Variants in PDE4D observed in about 807,000 individuals in gnomAD.
PDE4D encodes the protein 3',5'-cyclic-AMP phosphodiesterase 4D.
Under a neutral mutation model 87.4 loss-of-function variants are expected in PDE4D, and 24 were observed. The observed-to-expected ratio is 0.27, with a 90% CI of 0.20 to 0.39. The LOEUF (loss-of-function observed/expected upper bound fraction) is 0.39, where lower values mean the gene tolerates loss of function less well. Among genes scored for constraint, PDE4D ranks in the 10% least tolerant of loss-of-function variants. PDE4D has a pLI of 1.00. For synonymous variants in PDE4D, 384 were observed against 383.2 expected, an observed-to-expected ratio of 1.00 and a Z score of -0.02; for missense variants, 714 against 1,041.0, an observed-to-expected ratio of 0.69 and a Z score of 4.32.
At chr5:60,448,328 C>T (rs879855228) in intron 1 of PDE4D, among the ~76,000 whole-genome samples, 7 of 151,990 alleles carry the variant, frequency 4.6e-5, no homozygotes, top group African/African-American at 1.2e-4. Context: ...AAAATGGTAC[C>T]GTTAAAGACC....
chr5:59,946,499 T>A (rs1757736570), intron 3 of PDE4D, among the ~76,000 whole-genome samples: 3 of 152,202 alleles, frequency 2.0e-5, no homozygotes, highest in African/African-American at 7.2e-5. Context: ...CTTTCACAAG[T>A]CGGAGTGCTG....
chr5:59,079,883 AAGG>A (rs1766419335), intron 5 of PDE4D, among the ~76,000 whole-genome samples: 4 of 102,082 alleles, frequency 3.9e-5, no homozygotes, highest in African/African-American at 1.1e-4. Flanking sequence ...AGGAGAGGAG[AAGG>A]GGAATGGGCA....
chr5:59,002,339 G>A (rs1047682185), intron 6 of PDE4D, among the ~76,000 whole-genome samples: 2 of 152,166 alleles, frequency 1.3e-5, no homozygotes, highest in African/African-American at 4.8e-5. Context: ...TACTCTTAAT[G>A]AGCCACACTG....
At chr5:60,437,540 T>G (rs1258748945) in intron 1 of PDE4D, among the ~76,000 whole-genome samples, 1 of 152,134 alleles carries the variant, frequency 6.6e-6, no homozygotes, top group African/African-American at 2.4e-5. Context: ...ACTCCAAGGT[T>G]CTCTCTGTTT....
In PDE4D at chr5:59,061,734, G is replaced by T. The variant is rs182837986; in HGVS notation, c.809-22763C>A. On this transcript the variant is annotated intron_variant, in intron 5 of 14. Transcript: ENST00000340635. ...AAATATACTTGGGTAGAGAGGGATA[G>T]GCATGCTCAAACTCGTTTTGGGAAA... 2.7e-3 allele frequency among the ~76,000 whole-genome samples: 405 copies of T among 152,256 alleles called. 2 individuals carry two copies. Among genetic ancestry groups the T allele is most frequent in the South Asian group, 0.012 (57 of 4,826 alleles).
intron 1 of PDE4D, among the ~76,000 whole-genome samples, chr5:59,450,853 G>A (rs1042729166): frequency 6.6e-5 from 10 of 151,902 alleles, no homozygotes; most frequent in South Asian, 4.2e-4. Context: ...TCTCTGATAC[G>A]CAGCTTCATC....
chr5:59,462,473 A>G (rs1800916063), intron 1 of PDE4D, among the ~76,000 whole-genome samples: 2 of 152,178 alleles, frequency 1.3e-5, no homozygotes. Flanking sequence ...ACATCAGTAT[A>G]GTTCTGAGCA....
chr5:59,019,280 T>C (rs1418999062), intron 6 of PDE4D, among the ~76,000 whole-genome samples: 1 of 152,160 alleles, frequency 6.6e-6, no homozygotes, highest in Admixed American at 6.6e-5. Flanking sequence ...CCTAATTCCC[T>C]AACGGTTTCT....
At chr5:59,014,914 C>T (rs1033505527) in intron 6 of PDE4D, among the ~76,000 whole-genome samples, 1 of 152,112 alleles carries the variant, frequency 6.6e-6, no homozygotes, top group African/African-American at 2.4e-5. Flanking sequence ...GGTACTGGTA[C>T]AAGAACAGAG....
intron 6 of PDE4D, among the ~76,000 whole-genome samples, chr5:59,009,199 T>G (rs1752268585): frequency 6.6e-6 from 1 of 152,106 alleles, no homozygotes; most frequent in African/African-American, 2.4e-5. Flanking sequence ...AGAGTGACCA[T>G]ATGACCCAGC....
chr5:59,370,140 C>A (rs140761654), intron 1 of PDE4D, among the ~76,000 whole-genome samples: 37 of 152,292 alleles, frequency 2.4e-4, no homozygotes, highest in African/African-American at 8.4e-4. Flanking sequence ...CCTTCCAAGG[C>A]TATTGCAGTG....
At chr5:60,452,873 G>A (rs1746204114) in intron 1 of PDE4D, among the ~76,000 whole-genome samples, 1 of 152,014 alleles carries the variant, frequency 6.6e-6, no homozygotes, top group South Asian at 2.1e-4. Context: ...CCAGAAAAAC[G>A]TAAAATGTGG....
chr5:59,389,763 T>C (rs1332211497), intron 1 of PDE4D, among the ~76,000 whole-genome samples: 2 of 152,162 alleles, frequency 1.3e-5, no homozygotes, highest in African/African-American at 2.4e-5. Context: ...GAAAGACAGA[T>C]ATGGCATGTT....
At chr5:59,449,470 T>C (rs1798825418) in intron 1 of PDE4D, among the ~76,000 whole-genome samples, 1 of 152,218 alleles carries the variant, frequency 6.6e-6, no homozygotes, top group South Asian at 2.1e-4. Flanking sequence ...TTGAACCCAT[T>C]GTGCAAAAGT....
chr5:59,380,539 T>C (rs1041280544), intron 1 of PDE4D, among the ~76,000 whole-genome samples: 2 of 152,188 alleles, frequency 1.3e-5, no homozygotes, highest in African/African-American at 4.8e-5. Flanking sequence ...CAGGCTGACA[T>C]TTCAAACAAA....
chr5:59,828,322 T>G (rs1376764443), intron 1 of PDE4D, among the ~76,000 whole-genome samples: 2 of 152,066 alleles, frequency 1.3e-5, no homozygotes, highest in Admixed American at 6.6e-5. Context: ...ATTTTTTTCC[T>G]TTTTGTAAGG....
intron 1 of PDE4D, among the ~76,000 whole-genome samples, chr5:59,454,401 A>AAAACAG (rs1240540897): frequency 6.6e-6 from 1 of 152,194 alleles, no homozygotes; most frequent in Non-Finnish European, 1.5e-5. Context: ...GATGGTTTTA[A>AAAACAG]AAACAGAAGT....
At chr5:60,102,157 G>T (rs2149333145) in intron 2 of PDE4D, among the ~76,000 whole-genome samples, 1 of 152,164 alleles carries the variant, frequency 6.6e-6, no homozygotes, top group African/African-American at 2.4e-5. Flanking sequence ...ACTCTAGATG[G>T]CCATTAATTT....
chr5:59,866,907 T>A (rs1260529785), intron 1 of PDE4D, among the ~76,000 whole-genome samples: 1 of 152,328 alleles, frequency 6.6e-6, no homozygotes, highest in African/African-American at 2.4e-5. Context: ...AAGCCTTCCA[T>A]CAGACAGAGT....
Sources: gnomAD v4.1 joint callset for allele counts (sites outside exome capture counted in the v4.1 genomes callset) on GRCh38, gnomAD v4.1.1 for gene constraint, MANE v1.5 for transcripts, NCBI Gene and HGNC (gene_info 2026-07-23, HGNC 2026-07-21) for gene names.